Variants in NUP98 observed in about 807,000 individuals in gnomAD.
NUP98 encodes the protein nucleoporin 98 and 96 precursor.
In NUP98, 26 loss-of-function variants were observed where a neutral mutation model predicts 191.9. That is an observed-to-expected ratio of 0.14 (90% confidence interval 0.10 to 0.19). NUP98 has a LOEUF of 0.19. Ranked by LOEUF, NUP98 falls within the 10% of genes least tolerant of loss-of-function variation. The pLI is 1.00. For synonymous variants in NUP98, 808 were observed against 778.4 expected (o/e 1.04, Z -0.63); for missense variants, 1,941 against 2,178.8 (o/e 0.89, Z 2.17).
At chr11:3,723,484 C>T (rs375503481) in intron 15 of NUP98, 29 bp from the exon 16 acceptor site, 76 of 1,586,674 alleles carry the variant, frequency 4.8e-5, no homozygotes, top group Non-Finnish European at 6.4e-5. Flanking sequence ...AATACCTTAG[C>T]CTCTTGTAGT....
In NUP98 at chr11:3,719,564, C is replaced by G. The variant is rs774846112; in HGVS notation, c.2261-14G>C. The G allele has an allele frequency of 2.1e-5, 32 of 1,522,280 alleles. No individual in the cohort carries two copies. The highest frequency in any genetic ancestry group is 2.7e-5 in the Non-Finnish European group (31 of 1,138,536). 94.3% of individuals were successfully genotyped at this position (1,522,280 alleles called of 1,614,324 possible). ...TTGAACCATAACCTATAAATCAGAG[C>G]AAATAGTTAAAAATTCATTCTGTAT... On this transcript the variant is annotated splice_polypyrimidine_tract_variant and intron_variant, in intron 17 of 32. Coordinates refer to ENST00000324932, the MANE Select transcript of NUP98 (RefSeq NM_016320.5).
At chr11:3,744,721 T>C (rs2134380779) in intron 11 of NUP98, 72 bp from the exon 12 acceptor site, 1 of 1,509,260 alleles carries the variant, frequency 6.6e-7, no homozygotes, top group South Asian at 1.3e-5. Context: ...GTCAGTTACT[T>C]AAAAATATAA....
rs996111964 is a variant in NUP98 at position 3,753,211 on chromosome 11, T to G, written c.1267+105A>C. The G allele has an allele frequency of 3.1e-6, 3 of 963,538 alleles. No individual in the cohort carries two copies. The African/African-American group carries it at 4.9e-5, about 16-fold the overall frequency. The allele number at this position is 963,538 out of a possible 1,614,324, so 59.7% of individuals were successfully genotyped here. ...AAACGCAACTGGAAAAACGAAAAGG[T>G]AGACTTCTTAATTCCAGTAACATAA... On this transcript the variant is annotated intron_variant, in intron 11 of 32. Coordinates refer to ENST00000324932, the MANE Select transcript of NUP98 (RefSeq NM_016320.5).
intron 8 of NUP98, among the ~76,000 whole-genome samples, chr11:3,766,607 TGAAC>T (rs1481671690): frequency 2.7e-5 from 4 of 148,686 alleles, no homozygotes; most frequent in Non-Finnish European, 5.9e-5. Flanking sequence ...GAGAATCCCT[TGAAC>T]CCAGGAGGCA....
intron 2 of NUP98, chr11:3,781,487 G>A (rs1175460587): frequency 3.9e-4 from 28 of 71,716 alleles, no homozygotes; most frequent in African/African-American, 2.4e-3. Context: ...TGGACTTTCT[G>A]GTTTTAAAAA....
In NUP98 at chr11:3,693,221, G is replaced by A. The variant is rs1349082880; in HGVS notation, c.4311+11C>T. 3 of 1,613,292 alleles carry A rather than the reference G, an allele frequency of 1.9e-6. No individual in the cohort carries two copies. The East Asian group carries it at 6.7e-5, about 36-fold the overall frequency. ...GCAAGATTTTTGCTTGGCTCTATTG[G>A]CCACATATACCTGAAATGCTTCTTC... On this transcript the variant is annotated intron_variant, in intron 27 of 32. Coordinates refer to ENST00000324932, the MANE Select transcript of NUP98 (RefSeq NM_016320.5).
intron 5 of NUP98, among the ~76,000 whole-genome samples, chr11:3,774,628 G>A (rs1476585190): frequency 6.6e-6 from 1 of 151,878 alleles, no homozygotes; most frequent in Admixed American, 6.6e-5. Flanking sequence ...TGAGGCAGCA[G>A]AATCGCTTGA....
intron 1 of NUP98, among the ~76,000 whole-genome samples, chr11:3,786,158 G>T (rs752777942): frequency 6.6e-6 from 1 of 152,134 alleles, no homozygotes; most frequent in African/African-American, 2.4e-5. Context: ...TGACCCCAGC[G>T]GCCAATGCTT....
At chr11:3,689,251 G>T (rs1020088808) in intron 28 of NUP98, among the ~76,000 whole-genome samples, 2 of 152,082 alleles carry the variant, frequency 1.3e-5, no homozygotes, top group African/African-American at 4.8e-5. Context: ...ACAAGGCTAG[G>T]TGCAGTGGCT....
chr11:3,743,396 C>T (rs189105977), intron 12 of NUP98, among the ~76,000 whole-genome samples: 3 of 149,346 alleles, frequency 2.0e-5, no homozygotes, highest in East Asian at 4.0e-4. Flanking sequence ...CCTCTAATCC[C>T]AGCACTTTGG....
chr11:3,728,589 A>G (rs1239017830), intron 14 of NUP98, among the ~76,000 whole-genome samples: 1 of 152,028 alleles, frequency 6.6e-6, no homozygotes, highest in Non-Finnish European at 1.5e-5. Flanking sequence ...ATACAAAAAA[A>G]TTAGCTGGGC....
intron 15 of NUP98, among the ~76,000 whole-genome samples, chr11:3,723,664 G>T (rs2079494536): frequency 6.6e-6 from 1 of 150,840 alleles, no homozygotes; most frequent in South Asian, 2.1e-4. Context: ...TCAAATAATT[G>T]GTTAATTTTA....
chr11:3,687,653 G>A (rs546022222), intron 28 of NUP98, among the ~76,000 whole-genome samples: 3 of 152,288 alleles, frequency 2.0e-5, no homozygotes, highest in East Asian at 1.9e-4. Flanking sequence ...AAAAGAGGAC[G>A]CAATTATTGA....
chr11:3,793,762 C>T (rs55877970), intron 1 of NUP98, among the ~76,000 whole-genome samples: 101 of 151,904 alleles, frequency 6.6e-4, no homozygotes, highest in Non-Finnish European at 3.4e-4. Context: ...CTTGAGGTCA[C>T]GAGTTCCAGA....
At chr11:3,731,693 C>T in intron 13 of NUP98, 115 bp from the exon 14 acceptor site, 1 of 643,818 alleles carries the variant, frequency 1.6e-6, no homozygotes, top group Non-Finnish European at 2.5e-6. Flanking sequence ...CTGCTAGATA[C>T]CTGTTGAAGT....
chr11:3,738,776 C>CAAAAAAAAAA (rs58460963), intron 12 of NUP98, among the ~76,000 whole-genome samples: 1 of 67,238 alleles, frequency 1.5e-5, no homozygotes, highest in Non-Finnish European at 2.6e-5. Flanking sequence ...AGACTCCTCT[C>CAAAAAAAAAA]AAAAAAAAAA....
chr11:3,676,728 GA>G, intron 31 of NUP98, 108 bp from the exon 32 acceptor site: 1 of 891,740 alleles, frequency 1.1e-6, no homozygotes, highest in Non-Finnish European at 1.9e-6. Context: ...TGAGGGAGGG[GA>G]AAATCCAAGA....
At chr11:3,717,401 T>C (rs1279664046) in intron 18 of NUP98, among the ~76,000 whole-genome samples, 1 of 152,214 alleles carries the variant, frequency 6.6e-6, no homozygotes, top group Non-Finnish European at 1.5e-5. Flanking sequence ...TATAAACAAG[T>C]CATTTACCTC....
chr11:3,750,623 GT>G lies in NUP98; in HGVS notation c.1267+2692del, dbSNP rs199629209. Among the ~76,000 whole-genome samples the G allele has an allele frequency of 1.3e-4, 20 of 148,488 alleles. No individual in the cohort carries two copies. The East Asian group carries it at 1.4e-3, about 10-fold the overall frequency. Reference sequence around the variant, plus strand: ...GGATACTAACCTTAACATTTTAAATGTTTTTTTTTTGTTTTTTGTTTTAGGA... The same window carrying G: ...GGATACTAACCTTAACATTTTAAATGTTTTTTTTTGTTTTTTGTTTTAGGA... On this transcript the variant is annotated intron_variant, in intron 11 of 32. Transcript: ENST00000324932.
Sources: gnomAD v4.1 joint callset for allele counts (sites outside exome capture counted in the v4.1 genomes callset) on GRCh38, gnomAD v4.1.1 for gene constraint, MANE v1.5 for transcripts, NCBI Gene and HGNC (gene_info 2026-07-23, HGNC 2026-07-21) for gene names.